EPB41: variants seen among roughly 807,000 people sequenced by gnomAD.
The protein encoded by EPB41 is erythrocyte membrane protein band 4.1.
Under a neutral mutation model 108.0 loss-of-function variants are expected in EPB41, and 65 were observed. The ratio of observed to expected loss-of-function variants is 0.60; its 90% CI spans 0.49 to 0.74. The LOEUF is 0.74. EPB41 is among the 30% of genes least tolerant of loss of function. The pLI is 0.00. For synonymous variants in EPB41, 336 were observed against 358.9 expected (o/e 0.94, Z 0.72); for missense variants, 875 against 1,037.0 (o/e 0.84, Z 2.15).
At chr1:29,055,929 T>TAAAA in intron 12 of EPB41, among the ~76,000 whole-genome samples, 1 of 18,728 alleles carries the variant, frequency 5.3e-5, no homozygotes, top group African/African-American at 4.0e-4. Flanking sequence ...CAAGACTGTC[T>TAAAA]CAAAAAAAAA....
chr1:28,960,952 TG>T (rs2095187158), intron 1 of EPB41, among the ~76,000 whole-genome samples: 1 of 149,556 alleles, frequency 6.7e-6, no homozygotes, highest in Non-Finnish European at 1.5e-5. Flanking sequence ...GAAAATCACT[TG>T]AACTCTGGAG....
chr1:28,997,067 A>G (rs1433162714), intron 3 of EPB41, 148 bp from the exon 4 acceptor site: 4 of 694,394 alleles, frequency 5.8e-6, no homozygotes, highest in Non-Finnish European at 1.1e-5. Context: ...TGGGAAGATC[A>G]CTTGAGCCCA....
chr1:29,049,455 C>A (rs1184747900), intron 11 of EPB41, among the ~76,000 whole-genome samples: 1 of 152,162 alleles, frequency 6.6e-6, no homozygotes, highest in African/African-American at 2.4e-5. Context: ...AGCTTTAAAA[C>A]AAAACACATG....
intron 16 of EPB41, chr1:29,071,461 T>A (rs1377724354): frequency 1.3e-5 from 2 of 152,248 alleles, no homozygotes; most frequent in African/African-American, 2.4e-5. Flanking sequence ...GTTACTTCTT[T>A]ATGGCTTTAC....
rs368965751 is a variant in EPB41, at chr1:28,968,729, C to T, written c.-7-18702C>T. ...CTATAATCCCAGCGCTTTGGGAGGC[C>T]GAGACGGGTGGATCACCTGACGCCA... On this transcript the variant is annotated intron_variant, in intron 1 of 20. Coordinates refer to ENST00000343067, the MANE Select transcript of EPB41 (RefSeq NM_001376013.1). Among the ~76,000 whole-genome samples the T allele has an allele frequency of 2.2e-4, 33 of 152,102 alleles. No individual in the cohort carries two copies. In the East Asian group the frequency reaches 3.5e-3, roughly 16 times the overall value.
chr1:28,901,596 C>T (rs1173119686), intron 1 of EPB41, among the ~76,000 whole-genome samples: 3 of 149,044 alleles, frequency 2.0e-5, no homozygotes, highest in Non-Finnish European at 3.0e-5. Context: ...TGCAGTGGTG[C>T]GATCTTGGCT....
intron 2 of EPB41, among the ~76,000 whole-genome samples, chr1:28,990,369 C>T (rs894639986): frequency 8.5e-6 from 1 of 117,646 alleles, no homozygotes; most frequent in African/African-American, 3.5e-5. Flanking sequence ...TCCTCTCTTC[C>T]TCTGCCTCCC....
upstream of EPB41, among the ~76,000 whole-genome samples, chr1:28,914,042 C>G (rs1000619413): frequency 6.6e-6 from 1 of 152,146 alleles, no homozygotes; most frequent in African/African-American, 2.4e-5. Context: ...GTTGGAAGGG[C>G]GCCTAGAGAC....
chr1:29,090,961 C>A (rs1660978957), intron 16 of EPB41, among the ~76,000 whole-genome samples: 2 of 152,148 alleles, frequency 1.3e-5, no homozygotes, highest in South Asian at 2.1e-4. Context: ...TCCAACCCAA[C>A]TGTTATGTTT....
intron 1 of EPB41, among the ~76,000 whole-genome samples, chr1:28,978,354 A>G (rs2095657025): frequency 6.6e-6 from 1 of 151,528 alleles, no homozygotes; most frequent in Admixed American, 6.6e-5. Context: ...AAAGATCAAA[A>G]TCCCTGAATC....
chr1:29,050,473 T>C (rs2150691053), intron 11 of EPB41, among the ~76,000 whole-genome samples: 1 of 152,354 alleles, frequency 6.6e-6, no homozygotes, highest in South Asian at 2.1e-4. Context: ...TACACATGTA[T>C]AATGATACTT....
At chr1:29,090,276 T>C (rs1432947826) in intron 16 of EPB41, among the ~76,000 whole-genome samples, 1 of 151,992 alleles carries the variant, frequency 6.6e-6, no homozygotes, top group East Asian at 1.9e-4. Context: ...ATGTGGGAAT[T>C]GATGAGGGAA....
intron 8 of EPB41, among the ~76,000 whole-genome samples, chr1:29,030,771 G>A (rs1286372112): frequency 1.3e-5 from 2 of 148,824 alleles, no homozygotes; most frequent in East Asian, 2.0e-4. Context: ...GCAAGACCCC[G>A]TCTCAAAAAA....
At chr1:28,898,530 G>C (rs1376717400) in intron 1 of EPB41, among the ~76,000 whole-genome samples, 1 of 152,214 alleles carries the variant, frequency 6.6e-6, no homozygotes, top group Non-Finnish European at 1.5e-5. Context: ...GCCTGGCCCA[G>C]TGTCTGTATA....
chr1:29,040,906 T>G (rs2150462141), intron 11 of EPB41, among the ~76,000 whole-genome samples: 1 of 151,466 alleles, frequency 6.6e-6, no homozygotes, highest in Non-Finnish European at 1.5e-5. Context: ...GAGGCCAAGG[T>G]GGATGGATCA....
At chr1:28,927,594 T>G (rs933667654) in intron 1 of EPB41, among the ~76,000 whole-genome samples, 16 of 152,204 alleles carry the variant, frequency 1.1e-4, no homozygotes, top group Non-Finnish European at 1.9e-4. Context: ...TAAATATTTC[T>G]GTGTTTTACA....
chr1:28,982,469 G>T, intron 1 of EPB41: 1 of 784,414 alleles, frequency 1.3e-6, no homozygotes, highest in Non-Finnish European at 2.3e-6. Flanking sequence ...CAGGGGTAGT[G>T]GTCAATTCCA....
intron 1 of EPB41, among the ~76,000 whole-genome samples, chr1:28,941,708 C>A (rs2094293052): frequency 6.6e-6 from 1 of 151,976 alleles, no homozygotes; most frequent in Non-Finnish European, 1.5e-5. Context: ...CCAGCCTGAC[C>A]AACATGGAGA....
At chr1:29,058,893 C>G in intron 14 of EPB41, 41 bp downstream of exon 14, 1 of 1,498,998 alleles carries the variant, frequency 6.7e-7, no homozygotes, top group Non-Finnish European at 9.1e-7. Flanking sequence ...ATTGCCATTT[C>G]ACCCATGCTG....
Sources: allele counts gnomAD v4.1 joint callset (sites outside exome capture counted in the v4.1 genomes callset), GRCh38; gene constraint gnomAD v4.1.1; transcripts MANE v1.5; gene names NCBI Gene and HGNC (gene_info 2026-07-23, HGNC 2026-07-21).